DCDC2: variants seen among roughly 807,000 people sequenced by gnomAD.
DCDC2 encodes doublecortin domain containing 2.
DCDC2 carries 40 observed loss-of-function variants against 50.2 expected under a neutral mutation model. That is an observed-to-expected ratio of 0.80 (90% CI 0.62 to 1.04). The LOEUF is 1.04. DCDC2 is among the 50% of genes least tolerant of loss of function. The pLI is 0.00. For missense variants in DCDC2, 570 were observed against 581.9 expected (o/e 0.98, Z 0.21); for synonymous variants, 234 against 210.6 (o/e 1.11, Z -0.96).
rs545437727 is a variant in DCDC2 at position 24,222,052 on chromosome 6, A to T, written c.923-16950T>A. Among the ~76,000 whole-genome samples the T allele has an allele frequency of 3.3e-4, 50 of 152,332 alleles. No individual in the cohort carries two copies. The South Asian group carries it at 8.7e-3, about 27-fold the overall frequency. On this transcript the variant is annotated intron_variant, in intron 7 of 9. Coordinates refer to ENST00000378454, the MANE Select transcript of DCDC2 (RefSeq NM_016356.5). ...GGAAATAGTAGGTCTGGGTGGAGAG[A>T]TGGCAGGGGCAAATGAGGGTGAGTA...
At chr6:24,369,234 T>C in the DCDC2 span, among the ~76,000 whole-genome samples, 2 of 151,686 alleles carry the variant, frequency 1.3e-5, no homozygotes, top group Non-Finnish European at 2.9e-5. Context: ...TTTGTTTTTG[T>C]GGAGTAAGAT....
At chr6:24,296,690 C>T (rs1267332378) in intron 4 of DCDC2, among the ~76,000 whole-genome samples, 1 of 152,186 alleles carries the variant, frequency 6.6e-6, no homozygotes, top group African/African-American at 2.4e-5. Context: ...GACATACTTG[C>T]AGCCAACAAG....
At chr6:24,302,165 C>T in intron 2 of DCDC2, 121 bp from the exon 3 acceptor site, 1 of 811,438 alleles carries the variant, frequency 1.2e-6, no homozygotes, top group Non-Finnish European at 1.9e-6. Flanking sequence ...TTGTTAAAAC[C>T]TTGCTTTTCT....
At chr6:24,322,193 A>C (rs978135848) in intron 2 of DCDC2, among the ~76,000 whole-genome samples, 5 of 152,152 alleles carry the variant, frequency 3.3e-5, no homozygotes, top group African/African-American at 1.2e-4. Context: ...AGGGAACATA[A>C]TTTCCTGGTA....
At chr6:24,260,792 A>G (rs925252771) in intron 7 of DCDC2, among the ~76,000 whole-genome samples, 1 of 152,244 alleles carries the variant, frequency 6.6e-6, no homozygotes, top group African/African-American at 2.4e-5. Context: ...AAAAAGTGCC[A>G]GAGAAAATAT....
At chr6:24,378,161 G>A in the DCDC2 span, among the ~76,000 whole-genome samples, 1 of 152,192 alleles carries the variant, frequency 6.6e-6, no homozygotes, top group Admixed American at 6.5e-5. Context: ...CAGCAGAGCA[G>A]GAAGAAAAAG....
At chr6:24,310,405 C>T (rs1407304526) in intron 2 of DCDC2, among the ~76,000 whole-genome samples, 1 of 152,162 alleles carries the variant, frequency 6.6e-6, no homozygotes, top group Non-Finnish European at 1.5e-5. Context: ...GATACTCCAT[C>T]ACAGTTCAGC....
intron 2 of DCDC2, among the ~76,000 whole-genome samples, chr6:24,340,398 T>C (rs1423551611): frequency 6.6e-6 from 1 of 152,174 alleles, no homozygotes; most frequent in Non-Finnish European, 1.5e-5. Context: ...GGAAGGGCAA[T>C]TTAATTCAAT....
intron 7 of DCDC2, among the ~76,000 whole-genome samples, chr6:24,219,302 T>C (rs1622103): frequency 0.51 from 78,294 of 152,106 alleles, 21,857 homozygotes; most frequent in Non-Finnish European, 0.61. Flanking sequence ...ATATTTATTG[T>C]ATAATGAACA....
upstream of DCDC2, among the ~76,000 whole-genome samples, chr6:24,360,073 T>C (rs539080167): frequency 7.5e-3 from 1,140 of 152,282 alleles, 13 homozygotes; most frequent in African/African-American, 0.025. Flanking sequence ...TGCGCGCCGC[T>C]CACGCTGTTC....
intron 7 of DCDC2, among the ~76,000 whole-genome samples, chr6:24,215,065 G>C (rs1380593923): frequency 2.0e-5 from 3 of 152,156 alleles, no homozygotes; most frequent in Admixed American, 6.5e-5. Context: ...AATACGCATA[G>C]CATGCAAGTC....
At chr6:24,293,996 A>C (rs1034909339) in intron 4 of DCDC2, among the ~76,000 whole-genome samples, 2 of 152,190 alleles carry the variant, frequency 1.3e-5, no homozygotes, top group African/African-American at 4.8e-5. Context: ...CAAAAATACA[A>C]CATACCAGAA....
intron 7 of DCDC2, among the ~76,000 whole-genome samples, chr6:24,212,311 T>C (rs1473345958): frequency 2.0e-5 from 3 of 152,138 alleles, no homozygotes; most frequent in Non-Finnish European, 4.4e-5. Context: ...AGATCCACTT[T>C]CTGAGTCCTG....
the DCDC2 span, among the ~76,000 whole-genome samples, chr6:24,381,576 T>C: frequency 2.6e-5 from 4 of 152,212 alleles, no homozygotes; most frequent in African/African-American, 7.2e-5. Context: ...GTAATTCTAA[T>C]TGCGGCACAA....
At position 24,261,102 on chromosome 6, in the gene DCDC2, G is replaced by C. The variant is rs551936971; in HGVS notation, c.922+16947C>G. Among the ~76,000 whole-genome samples, 18 of 151,924 alleles carry C rather than the reference G, an allele frequency of 1.2e-4. No homozygotes were observed. The South Asian group carries it at 1.5e-3, about 12-fold the overall frequency. ...ACAGAAGAATAGTAATTCATTTTAA[G>C]ATTGCAAAATTTTCACCTCATACAA... is the stretch of plus-strand genomic sequence containing the variant. On this transcript the variant is annotated intron_variant, in intron 7 of 9. Transcript: ENST00000378454.
At chr6:24,355,920 G>A (rs1760459670) in intron 1 of DCDC2, among the ~76,000 whole-genome samples, 1 of 152,016 alleles carries the variant, frequency 6.6e-6, no homozygotes, top group African/African-American at 2.4e-5. Flanking sequence ...TAATTATTAA[G>A]AATCCAATAA....
chr6:24,174,161 G>A lies in DCDC2; in HGVS notation c.*569C>T, dbSNP rs6456595. On this transcript the variant is annotated 3_prime_UTR_variant, in exon 10 of 10. Coordinates refer to ENST00000378454, the MANE Select transcript of DCDC2 (RefSeq NM_016356.5). ...AATGCTTCCTCCCACCAAAATGAAC[G>A]CCTTGCTCTGTCTTTGTAGTTCAAA... is the stretch of plus-strand genomic sequence containing the variant. The A allele has an allele frequency of 0.14, 21,651 of 152,442 alleles. 4,043 individuals carry two copies. Among genetic ancestry groups the A allele is most frequent in the African/African-American group, 0.44 (18,054 of 41,388 alleles). The allele number at this position is 152,442 out of a possible 1,614,324, so 9.4% of individuals were successfully genotyped here.
At chr6:24,305,607 G>C (rs1465018466) in intron 2 of DCDC2, among the ~76,000 whole-genome samples, 1 of 152,174 alleles carries the variant, frequency 6.6e-6, no homozygotes, top group South Asian at 2.1e-4. Context: ...GGGGATAAAG[G>C]GTTGGTCAGT....
intron 4 of DCDC2, among the ~76,000 whole-genome samples, chr6:24,296,745 A>G (rs371375167): frequency 1.5e-3 from 223 of 152,360 alleles, no homozygotes; most frequent in African/African-American, 5.0e-3. Flanking sequence ...GAGAAATGCA[A>G]ACAAAAAGCA....
Sources: allele counts gnomAD v4.1 joint callset (sites outside exome capture counted in the v4.1 genomes callset), GRCh38; gene constraint gnomAD v4.1.1; transcripts MANE v1.5; gene names NCBI Gene and HGNC (gene_info 2026-07-23, HGNC 2026-07-21).